Variants in APBA1 observed in about 807,000 individuals in gnomAD.
APBA1 encodes amyloid-beta A4 precursor protein-binding family A member 1.
In APBA1, 55 loss-of-function variants were observed where a neutral mutation model predicts 86.6. That is an observed-to-expected ratio of 0.64 (90% CI 0.51 to 0.80). The LOEUF (loss-of-function observed/expected upper bound fraction) is 0.80, where lower values mean the gene tolerates loss of function less well. Ranked by LOEUF, APBA1 falls within the 30% of genes least tolerant of loss-of-function variation. APBA1 has a pLI of 0.00. For synonymous variants in APBA1, 511 were observed against 493.9 expected (o/e 1.03, Z -0.46); for missense variants, 1,090 against 1,183.0 (o/e 0.92, Z 1.15).
chr9:69,550,312 TCTTCTTC>T (rs1229032112), intron 1 of APBA1, among the ~76,000 whole-genome samples: 7 of 151,438 alleles, frequency 4.6e-5, no homozygotes, highest in African/African-American at 1.7e-4. Flanking sequence ...TAGATTGAGT[TCTTCTTC>T]CTCCTTTCCT....
intron 1 of APBA1, among the ~76,000 whole-genome samples, chr9:69,646,898 G>C (rs1292684183): frequency 6.6e-6 from 1 of 152,050 alleles, no homozygotes; most frequent in Non-Finnish European, 1.5e-5. Flanking sequence ...ATTTTCTTAG[G>C]CCTCTCAGTG....
intron 1 of APBA1, among the ~76,000 whole-genome samples, chr9:69,547,166 C>A (rs1476751866): frequency 2.0e-5 from 3 of 152,178 alleles, no homozygotes; most frequent in Non-Finnish European, 4.4e-5. Context: ...CTCTCACGCC[C>A]TCAATATTGT....
At chr9:69,533,620 T>C (rs1030640378) in intron 1 of APBA1, among the ~76,000 whole-genome samples, 25 of 152,162 alleles carry the variant, frequency 1.6e-4, no homozygotes, top group Admixed American at 1.6e-3. Context: ...TATTCAAGAG[T>C]GATGTCTCTG....
intron 1 of APBA1, among the ~76,000 whole-genome samples, chr9:69,626,379 G>A (rs1895133): frequency 6.6e-6 from 1 of 151,980 alleles, no homozygotes; most frequent in African/African-American, 2.4e-5. Context: ...ATGTACATTA[G>A]GAACTGTTAG....
intron 1 of APBA1, among the ~76,000 whole-genome samples, chr9:69,544,680 A>C (rs541880582): frequency 1.3e-5 from 2 of 152,352 alleles, no homozygotes; most frequent in East Asian, 3.9e-4. Context: ...TGACTAAAAC[A>C]TATAACTAAT....
chr9:69,457,077 G>T lies in APBA1; in HGVS notation c.1578C>A (p.Ile526=). 1 of 1,614,138 alleles carries T rather than the reference G, an allele frequency of 6.2e-7. No individual in the cohort carries two copies. The highest frequency in any genetic ancestry group is 1.1e-5 in the South Asian group (1 of 91,074). ...EVDLFISTQR[I]KVLNADTQET... ...CCTGTGTGTCGGCGTTCAGCACTTT[G>T]ATTCTCTGGGTAGAAATGAAGAGAT... The change falls in exon 7 of 13, where the codon ATC becomes ATA. Residue 526 remains isoleucine (I), a synonymous_variant. Transcript: ENST00000265381.
In APBA1 at chr9:69,436,557, C is replaced by T. The variant is rs1180683582; in HGVS notation, c.2302-3881G>A. On this transcript the variant is annotated intron_variant, in intron 11 of 12. Transcript: ENST00000265381. Reference sequence around the variant, plus strand: ...TTTGAAGCAATTGTGAATGGGAGTTCACTCATGATTTGGCTCTCTGTTTGT... The same window carrying T: ...TTTGAAGCAATTGTGAATGGGAGTTTACTCATGATTTGGCTCTCTGTTTGT... 5.8e-5 allele frequency among the ~76,000 whole-genome samples: 7 copies of T among 120,794 alleles called. No individual in the cohort carries two copies. In the South Asian group the frequency reaches 1.5e-3, roughly 25 times the overall value. 79.2% of individuals were successfully genotyped at this position (120,794 alleles called of 152,430 possible).
At chr9:69,527,692 T>C (rs1481332890) in intron 1 of APBA1, among the ~76,000 whole-genome samples, 1 of 152,116 alleles carries the variant, frequency 6.6e-6, no homozygotes, top group Admixed American at 6.6e-5. Flanking sequence ...GTAATCCCTT[T>C]TAGAATAGTC....
intron 1 of APBA1, among the ~76,000 whole-genome samples, chr9:69,551,369 T>C (rs1315734038): frequency 6.6e-6 from 1 of 152,006 alleles, no homozygotes; most frequent in Non-Finnish European, 1.5e-5. Flanking sequence ...CTGTCCAACA[T>C]GGTGAAACCC....
intron 1 of APBA1, among the ~76,000 whole-genome samples, chr9:69,602,596 A>G (rs1406479256): frequency 6.6e-6 from 1 of 151,956 alleles, no homozygotes; most frequent in Non-Finnish European, 1.5e-5. Context: ...GAAGAAGAAG[A>G]AAAAAGAAAT....
At chr9:69,490,261 G>A (rs1835685135) in intron 2 of APBA1, among the ~76,000 whole-genome samples, 1 of 151,874 alleles carries the variant, frequency 6.6e-6, no homozygotes, top group Non-Finnish European at 1.5e-5. Context: ...ACTCATAGGT[G>A]GGAATTGAAC....
At chr9:69,540,158 A>ACAACAACAACAAC (rs1554698954) in intron 1 of APBA1, among the ~76,000 whole-genome samples, 1 of 148,236 alleles carries the variant, frequency 6.7e-6, no homozygotes, top group South Asian at 2.1e-4. Flanking sequence ...AACAACAACA[A>ACAACAACAACAAC]AAGTCACCTT....
chr9:69,465,751 T>C (rs781564496), intron 5 of APBA1, among the ~76,000 whole-genome samples: 6 of 152,174 alleles, frequency 3.9e-5, no homozygotes, highest in Non-Finnish European at 8.8e-5. Flanking sequence ...CACATCTCTT[T>C]GGGTAGGGGG....
intron 10 of APBA1, among the ~76,000 whole-genome samples, chr9:69,448,164 A>G (rs547835422): frequency 3.3e-5 from 5 of 152,168 alleles, no homozygotes; most frequent in African/African-American, 1.2e-4. Context: ...TCTGCTACCT[A>G]CCTAGGTTTT....
intron 1 of APBA1, among the ~76,000 whole-genome samples, chr9:69,534,758 CTTCTAAT>C (rs1366154506): frequency 6.6e-6 from 1 of 152,096 alleles, no homozygotes; most frequent in Non-Finnish European, 1.5e-5. Context: ...TCTAGGGGCT[CTTCTAAT>C]TCTTCTAGGG....
rs117413479 is a variant in APBA1, at chr9:69,534,457, G to A, written c.-69-17178C>T. Among the ~76,000 whole-genome samples the A allele has an allele frequency of 1.1e-3, 171 of 152,256 alleles. 4 individuals are homozygous for A. The East Asian group carries it at 0.03, about 26-fold the overall frequency. ...TTTCACTATAAATGCGGAGGACTCC[G>A]AGACCCAAAAGATATCAGAATCTCC... On this transcript the variant is annotated intron_variant, in intron 1 of 12. Coordinates refer to ENST00000265381, the MANE Select transcript of APBA1 (RefSeq NM_001163.4).
At chr9:69,552,733 G>A (rs1437788516) in intron 1 of APBA1, among the ~76,000 whole-genome samples, 1 of 152,174 alleles carries the variant, frequency 6.6e-6, no homozygotes, top group Non-Finnish European at 1.5e-5. Context: ...TGTACAGGAA[G>A]CTACCCTGAC....
intron 1 of APBA1, among the ~76,000 whole-genome samples, chr9:69,613,066 G>T (rs1163993216): frequency 6.6e-6 from 1 of 152,092 alleles, no homozygotes; most frequent in African/African-American, 2.4e-5. Context: ...GTCATGAAAG[G>T]TTTGTGAAGG....
chr9:69,593,332 A>G (rs1181816465), intron 1 of APBA1, among the ~76,000 whole-genome samples: 2 of 152,204 alleles, frequency 1.3e-5, no homozygotes, highest in Non-Finnish European at 2.9e-5. Flanking sequence ...TGGTTTTTAA[A>G]GCAGCAACCA....
Sources: allele counts gnomAD v4.1 joint callset (sites outside exome capture counted in the v4.1 genomes callset), GRCh38; gene constraint gnomAD v4.1.1; transcripts MANE v1.5; gene names NCBI Gene and HGNC (gene_info 2026-07-23, HGNC 2026-07-21).